The following SPON1 variants were observed in gnomAD, a reference collection of about 807,000 sequenced individuals.
The protein encoded by SPON1 is spondin 1, also known as spondin-1.
Under a neutral mutation model 111.7 loss-of-function variants are expected in SPON1, and 52 were observed. The ratio of observed to expected loss-of-function variants is 0.47; its 90% CI spans 0.37 to 0.59. The LOEUF is 0.59. SPON1 is among the 20% of genes least tolerant of loss of function. The pLI, the probability that SPON1 is intolerant of heterozygous loss-of-function variation, is 0.00. For missense variants in SPON1, 957 were observed against 1,068.5 expected (o/e 0.90, Z 1.46); for synonymous variants, 410 against 395.8 (o/e 1.04, Z -0.43).
chr11:14,126,134 G>A (rs1554926978), intron 5 of SPON1, among the ~76,000 whole-genome samples: 1 of 152,170 alleles, frequency 6.6e-6, no homozygotes. Context: ...AATAGGGAGA[G>A]CAGTCTGTTT....
At chr11:14,213,860 T>C (rs1183109211) in intron 6 of SPON1, among the ~76,000 whole-genome samples, 5 of 152,204 alleles carry the variant, frequency 3.3e-5, no homozygotes, top group Non-Finnish European at 5.9e-5. Flanking sequence ...TTTATAAGGA[T>C]GTGTTCTCTT....
At chr11:14,065,532 G>T (rs775307559) in intron 3 of SPON1, among the ~76,000 whole-genome samples, 8 of 152,196 alleles carry the variant, frequency 5.3e-5, no homozygotes, top group Non-Finnish European at 1.0e-4. Context: ...GCTGAGACAG[G>T]TTCTATTTTG....
chr11:14,086,254 C>T (rs1465924805), intron 5 of SPON1, among the ~76,000 whole-genome samples: 2 of 152,044 alleles, frequency 1.3e-5, no homozygotes, highest in Non-Finnish European at 2.9e-5. Context: ...CCAGCTTTTG[C>T]CCATTCAATA....
chr11:14,095,906 T>C (rs1849097353), intron 5 of SPON1, among the ~76,000 whole-genome samples: 1 of 152,196 alleles, frequency 6.6e-6, no homozygotes, highest in Non-Finnish European at 1.5e-5. Context: ...CCTTCTTCCA[T>C]CACTGTGGAA....
chr11:14,056,877 C>T (rs904443730), intron 3 of SPON1, among the ~76,000 whole-genome samples: 3 of 151,738 alleles, frequency 2.0e-5, no homozygotes, highest in Admixed American at 1.3e-4. Flanking sequence ...GGTGACAGAG[C>T]GAGACTCCAT....
intron 6 of SPON1, among the ~76,000 whole-genome samples, chr11:14,136,094 A>T (rs369210052): frequency 4.6e-5 from 7 of 152,300 alleles, no homozygotes; most frequent in African/African-American, 1.7e-4. Flanking sequence ...GCCTTCACTG[A>T]TACCTCTGTG....
At chr11:14,091,283 G>A (rs868962319) in intron 5 of SPON1, among the ~76,000 whole-genome samples, 18 of 152,224 alleles carry the variant, frequency 1.2e-4, no homozygotes, top group South Asian at 4.1e-4. Flanking sequence ...ATCCCGCACC[G>A]GGGCTGCAGG....
intron 5 of SPON1, among the ~76,000 whole-genome samples, chr11:14,113,616 T>C (rs1591379024): frequency 1.3e-5 from 1 of 76,672 alleles, no homozygotes; most frequent in East Asian, 4.3e-4. Flanking sequence ...TTTTTTTTTT[T>C]TTTTGAGACG....
chr11:14,217,134 C>T (rs1190735661), intron 6 of SPON1, among the ~76,000 whole-genome samples: 20 of 152,294 alleles, frequency 1.3e-4, no homozygotes, highest in African/African-American at 4.3e-4. Flanking sequence ...ATCCATTTTT[C>T]ATCCCACTCC....
intron 6 of SPON1, among the ~76,000 whole-genome samples, chr11:14,223,474 A>G (rs1554937795): frequency 6.6e-6 from 1 of 152,268 alleles, no homozygotes; most frequent in Non-Finnish European, 1.5e-5. Context: ...AAGATTATTT[A>G]TAAGAATTAT....
intron 5 of SPON1, among the ~76,000 whole-genome samples, chr11:14,120,132 G>C (rs868967597): frequency 7.9e-5 from 12 of 152,072 alleles, no homozygotes; most frequent in Middle Eastern, 3.2e-3. Flanking sequence ...CATTTAATCT[G>C]TCTGTGCTTT....
chr11:13,964,500 C>G (rs1163302311), intron 1 of SPON1, among the ~76,000 whole-genome samples: 1 of 152,208 alleles, frequency 6.6e-6, no homozygotes, highest in African/African-American at 2.4e-5. Context: ...AGCGCTTTTC[C>G]CCCTTTCCCG....
chr11:14,118,278 T>A (rs918227766), intron 5 of SPON1, among the ~76,000 whole-genome samples: 44 of 152,172 alleles, frequency 2.9e-4, no homozygotes, highest in African/African-American at 1.0e-3. Flanking sequence ...GTTAGTGGAG[T>A]ATTACACATT....
intron 6 of SPON1, among the ~76,000 whole-genome samples, chr11:14,172,841 A>G (rs1259503744): frequency 6.6e-6 from 1 of 151,888 alleles, no homozygotes; most frequent in Non-Finnish European, 1.5e-5. Flanking sequence ...TCTGGCTTGT[A>G]GAGTTTCTGC....
intron 7 of SPON1, among the ~76,000 whole-genome samples, chr11:14,251,927 C>A (rs1849057279): frequency 6.6e-6 from 1 of 152,170 alleles, no homozygotes; most frequent in African/African-American, 2.4e-5. Flanking sequence ...TGATTTGTGC[C>A]TAAGTAGCTG....
chr11:14,077,103 G>A (rs1848923893), intron 4 of SPON1, among the ~76,000 whole-genome samples: 1 of 152,194 alleles, frequency 6.6e-6, no homozygotes, highest in Non-Finnish European at 1.5e-5. Flanking sequence ...TCTTGTAAAT[G>A]CCTTAGACAA....
rs1195300625 is a variant in SPON1 at position 14,147,155 on chromosome 11, G to GAGT, written c.825+11590_825+11592dup. ...AGCAATTCTCCTGTCTCAGCCTCCT[G>GAGT]AGTAGCCGGGACTATAGGCACCTGC... On this transcript the variant is annotated intron_variant, in intron 6 of 15. Transcript: ENST00000576479. Among the ~76,000 whole-genome samples, 3 of 147,792 alleles carry GAGT rather than the reference G, an allele frequency of 2.0e-5. No individual in the cohort carries two copies. The Admixed American group carries it at 2.1e-4, about 10-fold the overall frequency.
At chr11:14,160,697 A>ATT (rs1847918984) in intron 6 of SPON1, among the ~76,000 whole-genome samples, 1 of 12,034 alleles carries the variant, frequency 8.3e-5, no homozygotes, top group Non-Finnish European at 1.1e-4. Context: ...ATATTTATAT[A>ATT]TTTATATATA....
At chr11:14,229,251 G>A (rs1848769914) in intron 6 of SPON1, among the ~76,000 whole-genome samples, 1 of 152,174 alleles carries the variant, frequency 6.6e-6, no homozygotes, top group Admixed American at 6.5e-5. Context: ...CACCTGGTGG[G>A]GAAGATACCT....
Sources: gnomAD v4.1 joint callset for allele counts (sites outside exome capture counted in the v4.1 genomes callset) on GRCh38, gnomAD v4.1.1 for gene constraint, MANE v1.5 for transcripts, NCBI Gene and HGNC (gene_info 2026-07-23, HGNC 2026-07-21) for gene names.